SLC35D4: variants seen among roughly 807,000 people sequenced by gnomAD.
SLC35D4 encodes the protein UDP-N-acetylglucosamine transporter SLC35D4.
chr18:23,299,012 G>T, the SLC35D4 span, among the ~76,000 whole-genome samples: 1 of 152,204 alleles, frequency 6.6e-6, no homozygotes, highest in Admixed American at 6.5e-5. Flanking sequence ...TGTGAAAAAT[G>T]TTCCTTTGGT....
At chr18:23,327,853 G>A in the SLC35D4 span, among the ~76,000 whole-genome samples, 48,221 of 151,898 alleles carry the variant, frequency 0.32, 9,214 homozygotes, top group Non-Finnish European at 0.43. Context: ...AAGCTTATCC[G>A]CCATGATCAA....
At chr18:23,356,738 T>TG in the SLC35D4 span, 2 of 1,422,296 alleles carry the variant, frequency 1.4e-6, no homozygotes, top group South Asian at 2.4e-5. The surrounding 1 kb of genome is among the most constrained non-coding windows in gnomAD (Gnocchi z 4.1). Context: ...CCCCAGGAAA[T>TG]GCAAGGAAGG....
At chr18:23,411,455 AG>A in the SLC35D4 span, among the ~76,000 whole-genome samples, 1 of 150,092 alleles carries the variant, frequency 6.7e-6, no homozygotes, top group African/African-American at 2.5e-5. Context: ...AGAAGGATAA[AG>A]AAAGAAAGAA....
the SLC35D4 span, among the ~76,000 whole-genome samples, chr18:23,355,749 C>T: frequency 3.3e-5 from 5 of 152,140 alleles, no homozygotes; most frequent in African/African-American, 4.8e-5. Flanking sequence ...CAATTCTTCA[C>T]GATCTATTGA....
the SLC35D4 span, among the ~76,000 whole-genome samples, chr18:23,306,538 T>C: frequency 6.6e-6 from 1 of 152,174 alleles, no homozygotes; most frequent in South Asian, 2.1e-4. Flanking sequence ...ACTCCCGACC[T>C]CAGGTGATCC....
chr18:23,337,901 A>G, the SLC35D4 span, among the ~76,000 whole-genome samples: 1 of 152,242 alleles, frequency 6.6e-6, no homozygotes, highest in Admixed American at 6.5e-5. Flanking sequence ...AGAGATCTTC[A>G]TAAGGATACA....
the SLC35D4 span, among the ~76,000 whole-genome samples, chr18:23,306,015 G>T: frequency 6.6e-6 from 1 of 152,302 alleles, no homozygotes; most frequent in South Asian, 2.1e-4. Context: ...CACTGGTGCT[G>T]CCCCTCACAT....
At chr18:23,333,134 T>C in the SLC35D4 span, among the ~76,000 whole-genome samples, 5 of 152,344 alleles carry the variant, frequency 3.3e-5, no homozygotes, top group Non-Finnish European at 7.3e-5. Context: ...TTATATATTA[T>C]GTAATTCTTA....
the SLC35D4 span, among the ~76,000 whole-genome samples, chr18:23,389,164 T>C: frequency 6.6e-6 from 1 of 151,990 alleles, no homozygotes; most frequent in Non-Finnish European, 1.5e-5. Context: ...GATTTTTGTA[T>C]TTTTAGTAGA....
At chr18:23,243,496 T>G in the SLC35D4 span, among the ~76,000 whole-genome samples, 6 of 151,218 alleles carry the variant, frequency 4.0e-5, no homozygotes, top group South Asian at 1.3e-3. Flanking sequence ...TTTTGGTCTT[T>G]TTGTTGTTGT....
chr18:23,411,525 G>GA, the SLC35D4 span, among the ~76,000 whole-genome samples: 1 of 151,456 alleles, frequency 6.6e-6, no homozygotes, highest in Non-Finnish European at 1.5e-5. Context: ...AAGAAAGAAA[G>GA]AAAGAAAGAA....
the SLC35D4 span, among the ~76,000 whole-genome samples, chr18:23,293,835 C>T: frequency 6.6e-6 from 1 of 152,228 alleles, no homozygotes; most frequent in Non-Finnish European, 1.5e-5. Flanking sequence ...CTCTGTTGCC[C>T]AGGCTGGAGT....
the SLC35D4 span, among the ~76,000 whole-genome samples, chr18:23,396,273 T>C: frequency 2.0e-5 from 3 of 152,202 alleles, no homozygotes; most frequent in African/African-American, 7.2e-5. Flanking sequence ...CGAAAGTGTT[T>C]TGCATAACAA....
the SLC35D4 span, among the ~76,000 whole-genome samples, chr18:23,431,583 T>A: frequency 0.29 from 43,619 of 152,064 alleles, 6,658 homozygotes; most frequent in East Asian, 0.4. Flanking sequence ...TCAAACTAAT[T>A]CTGCATTTTA....
At chr18:23,418,892 C>T in the SLC35D4 span, among the ~76,000 whole-genome samples, 1 of 151,894 alleles carries the variant, frequency 6.6e-6, no homozygotes, top group East Asian at 2.0e-4. Context: ...CCTGTAGTCC[C>T]AGCTACTCGG....
At chr18:23,317,296 T>C in the SLC35D4 span, among the ~76,000 whole-genome samples, 2 of 152,226 alleles carry the variant, frequency 1.3e-5, no homozygotes, top group Non-Finnish European at 2.9e-5. Context: ...TAGGATTGAA[T>C]CTCTGATTAT....
the SLC35D4 span, among the ~76,000 whole-genome samples, chr18:23,397,839 G>A: frequency 1.3e-5 from 2 of 152,142 alleles, no homozygotes; most frequent in Non-Finnish European, 2.9e-5. Flanking sequence ...GATTGCTTGC[G>A]CCCAGGAGGT....
chr18:23,382,652 CAT>C, the SLC35D4 span, among the ~76,000 whole-genome samples: 1 of 152,200 alleles, frequency 6.6e-6, no homozygotes, highest in Non-Finnish European at 1.5e-5. Context: ...AAAAGAAGCA[CAT>C]GTTAGAACTG....
chr18:23,287,738 GCCCCCACC>G, the SLC35D4 span, among the ~76,000 whole-genome samples: 61 of 152,272 alleles, frequency 4.0e-4, no homozygotes, highest in South Asian at 0.012. Context: ...TTTAGAGACT[GCCCCCACC>G]CTAGCTCTCC....
Sources: allele counts gnomAD v4.1 joint callset (sites outside exome capture counted in the v4.1 genomes callset), GRCh38; gene constraint gnomAD v4.1.1; non-coding constraint Gnocchi (gnomAD v3.1); transcripts MANE v1.5; gene names NCBI Gene and HGNC (gene_info 2026-07-23, HGNC 2026-07-21).